The following RRAS2 variants were observed in gnomAD, a reference collection of about 807,000 sequenced individuals.
RRAS2 encodes RAS related 2, also known as ras-related protein R-Ras2.
RRAS2 carries 7 observed loss-of-function variants against 27.6 expected under a neutral mutation model. The observed-to-expected ratio is 0.25, with a 90% CI of 0.14 to 0.48. RRAS2 has a LOEUF of 0.48. RRAS2 is among the 20% of genes least tolerant of loss of function. The pLI, the probability that RRAS2 is intolerant of heterozygous loss-of-function variation, is 0.99. For synonymous variants in RRAS2, 86 were observed against 90.9 expected (o/e 0.95, Z 0.31); for missense variants, 178 against 256.2 (o/e 0.69, Z 2.08).
intron 1 of RRAS2, among the ~76,000 whole-genome samples, chr11:14,302,110 A>ACACACACC (rs1199183770): frequency 7.0e-6 from 1 of 143,654 alleles, no homozygotes; most frequent in Non-Finnish European, 1.6e-5. Context: ...ACACACACAC[A>ACACACACC]CCAAAAACCA....
chr11:14,278,680 C>A lies in RRAS2; in HGVS notation c.*657G>T, dbSNP rs1235789427. ...ATCAAGTACACTGAAATATCTAAGTCCTAAATGAGTCCAAATATTTGACCA... is the reference window on the plus strand; with the variant it reads ...ATCAAGTACACTGAAATATCTAAGTACTAAATGAGTCCAAATATTTGACCA... On this transcript the variant is annotated 3_prime_UTR_variant, in exon 6 of 6. Transcript: ENST00000256196. 6.6e-6 allele frequency: 1 copy of A among 152,172 alleles called. No homozygotes were observed. The highest frequency in any genetic ancestry group is 2.4e-5 in the African/African-American group (1 of 41,428). The allele number at this position is 152,172 out of a possible 1,614,324, so 9.4% of individuals were successfully genotyped here. A position where few individuals can be genotyped will look rare whatever the true frequency, so the allele number is the denominator to read the frequency against.
intron 1 of RRAS2, among the ~76,000 whole-genome samples, chr11:14,313,749 G>A (rs868916203): frequency 2.2e-4 from 33 of 152,170 alleles, no homozygotes; most frequent in African/African-American, 7.2e-4. Context: ...CAGGACAGAG[G>A]CATGGAAATG....
intron 1 of RRAS2, among the ~76,000 whole-genome samples, chr11:14,326,507 A>T (rs1290034105): frequency 6.6e-6 from 1 of 152,254 alleles, no homozygotes; most frequent in Non-Finnish European, 1.5e-5. Context: ...AAAGATTGTA[A>T]ATATACAAAC....
chr11:14,327,860 C>A (rs984443632), intron 1 of RRAS2, among the ~76,000 whole-genome samples: 3 of 151,968 alleles, frequency 2.0e-5, no homozygotes. Flanking sequence ...TCTTTCCATA[C>A]GGCAGGTAAT....
At chr11:14,360,845 T>C (rs1554956121), upstream of RRAS2, among the ~76,000 whole-genome samples, 2 of 140,632 alleles carry the variant, frequency 1.4e-5, no homozygotes, top group Non-Finnish European at 3.1e-5. Context: ...CACTTGAGCC[T>C]GGGACGCGGA....
intron 1 of RRAS2, among the ~76,000 whole-genome samples, chr11:14,302,073 T>TACATACACACACACACAC (rs1554947495): frequency 7.0e-6 from 1 of 142,362 alleles, no homozygotes; most frequent in East Asian, 2.1e-4. Flanking sequence ...ACCACACACA[T>TACATACACACACACACAC]ACACACACAC....
chr11:14,287,174 C>T (rs1554945154), intron 4 of RRAS2, among the ~76,000 whole-genome samples: 8 of 152,168 alleles, frequency 5.3e-5, no homozygotes, highest in Admixed American at 5.2e-4. Context: ...TCTAACAATA[C>T]CACAGTAAAA....
intron 4 of RRAS2, among the ~76,000 whole-genome samples, chr11:14,282,428 ATT>A: frequency 6.6e-6 from 1 of 152,312 alleles, no homozygotes; most frequent in South Asian, 2.1e-4. Flanking sequence ...GGCATAGCTG[ATT>A]GATGTATAAA....
chr11:14,345,574 C>T (rs950971209), intron 1 of RRAS2, among the ~76,000 whole-genome samples: 3 of 152,138 alleles, frequency 2.0e-5, no homozygotes, highest in Non-Finnish European at 4.4e-5. Flanking sequence ...AAAAAGGGAT[C>T]GTTTTCTAAT....
intron 1 of RRAS2, among the ~76,000 whole-genome samples, chr11:14,304,698 G>T (rs1847793327): frequency 6.6e-6 from 1 of 152,308 alleles, no homozygotes; most frequent in South Asian, 2.1e-4. Flanking sequence ...AGCACAATAA[G>T]GACCTAGTTA....
chr11:14,356,629 T>G (rs1554955452), intron 1 of RRAS2: 2 of 295,548 alleles, frequency 6.8e-6, no homozygotes, highest in Non-Finnish European at 1.3e-5. Flanking sequence ...CATGCTCAAG[T>G]CTGTAAGACT....
chr11:14,349,925 C>T (rs1212633678), intron 1 of RRAS2, among the ~76,000 whole-genome samples: 1 of 152,110 alleles, frequency 6.6e-6, no homozygotes, highest in African/African-American at 2.4e-5. Flanking sequence ...GTGTTTGCTG[C>T]TTATATACTC....
At chr11:14,321,218 G>T (rs183732502) in intron 1 of RRAS2, among the ~76,000 whole-genome samples, 28 of 151,424 alleles carry the variant, frequency 1.8e-4, no homozygotes. Context: ...AACACACGAC[G>T]CACGTCAATA....
intron 1 of RRAS2, among the ~76,000 whole-genome samples, chr11:14,356,193 T>C (rs1382431547): frequency 6.6e-6 from 1 of 152,164 alleles, no homozygotes; most frequent in Non-Finnish European, 1.5e-5. Flanking sequence ...GTCGGGTTCC[T>C]GTCTCTCCAA....
intron 1 of RRAS2, among the ~76,000 whole-genome samples, chr11:14,344,625 T>C (rs193173955): frequency 6.6e-6 from 1 of 152,316 alleles, no homozygotes; most frequent in East Asian, 1.9e-4. Flanking sequence ...GTCAACCACA[T>C]CGTCATTAAC....
chr11:14,291,138 T>C (rs888410286), intron 4 of RRAS2, among the ~76,000 whole-genome samples: 63 of 152,150 alleles, frequency 4.1e-4, no homozygotes, highest in African/African-American at 1.5e-3. Context: ...TAAGGACATG[T>C]AGAAATTTCT....
intron 1 of RRAS2, among the ~76,000 whole-genome samples, chr11:14,333,249 A>G (rs1018220468): frequency 6.6e-6 from 1 of 152,310 alleles, no homozygotes; most frequent in East Asian, 1.9e-4. Context: ...TATCACTATT[A>G]TAAGTCATGT....
At chr11:14,352,013 C>T (rs1359535386) in intron 1 of RRAS2, among the ~76,000 whole-genome samples, 1 of 151,826 alleles carries the variant, frequency 6.6e-6, no homozygotes, top group Non-Finnish European at 1.5e-5. Context: ...ATTTTAAAAA[C>T]CATATATTGC....
intron 1 of RRAS2, among the ~76,000 whole-genome samples, chr11:14,346,071 C>T (rs1213223391): frequency 6.6e-6 from 1 of 151,962 alleles, no homozygotes; most frequent in African/African-American, 2.4e-5. Context: ...AGAACATTAC[C>T]GTTGTTTAAT....
Sources: gnomAD v4.1 joint callset for allele counts (sites outside exome capture counted in the v4.1 genomes callset) on GRCh38, gnomAD v4.1.1 for gene constraint, MANE v1.5 for transcripts, NCBI Gene and HGNC (gene_info 2026-07-23, HGNC 2026-07-21) for gene names.